Variants in NKAIN3 observed in about 807,000 individuals in gnomAD.
NKAIN3 encodes the protein sodium/potassium transporting ATPase interacting 3, also known as sodium/potassium-transporting ATPase subunit beta-1-interacting protein 3.
A neutral mutation model predicts 30.2 loss-of-function variants in NKAIN3; 25 were observed. The ratio of observed to expected loss-of-function variants is 0.83; its 90% CI spans 0.60 to 1.16. NKAIN3 has a LOEUF of 1.16. Ranked by LOEUF, NKAIN3 falls within the 50% of genes most tolerant of loss-of-function variation. NKAIN3 has a pLI of 0.00. For synonymous variants in NKAIN3, 91 were observed against 89.6 expected (o/e 1.02, Z -0.09); for missense variants, 225 against 254.1 (o/e 0.89, Z 0.78).
chr8:62,295,763 T>C lies in NKAIN3; in HGVS notation c.54+46636T>C, dbSNP rs527443737. Among the ~76,000 whole-genome samples, 27 of 152,336 alleles carry C rather than the reference T, an allele frequency of 1.8e-4. No individual in the cohort carries two copies. The South Asian group carries it at 5.4e-3, about 30-fold the overall frequency. On this transcript the variant is annotated intron_variant, in intron 1 of 6. Coordinates refer to ENST00000623646, the MANE Select transcript of NKAIN3 (RefSeq NM_001304533.3). ...AAAATTTCTCATAAGTGTTTTTTAA[T>C]GTTCATTTAATGTCAACATTTAATT...
chr8:62,907,473 T>C (rs1821813809), intron 4 of NKAIN3, among the ~76,000 whole-genome samples: 2 of 152,074 alleles, frequency 1.3e-5, no homozygotes, highest in African/African-American at 2.4e-5. Flanking sequence ...GCTGGAACAA[T>C]GGGGAAAATA....
intron 1 of NKAIN3, among the ~76,000 whole-genome samples, chr8:62,468,815 A>G (rs936855903): frequency 1.3e-5 from 2 of 152,156 alleles, no homozygotes; most frequent in Non-Finnish European, 1.5e-5. Context: ...AGTAACTGGC[A>G]TCATCAGAAT....
intron 1 of NKAIN3, among the ~76,000 whole-genome samples, chr8:62,416,639 T>C (rs1804452431): frequency 6.6e-6 from 1 of 152,204 alleles, no homozygotes; most frequent in African/African-American, 2.4e-5. Flanking sequence ...TCCCCTCAAG[T>C]ATTTATCCTT....
At chr8:62,658,697 T>C (rs1295547855) in intron 3 of NKAIN3, among the ~76,000 whole-genome samples, 2 of 152,202 alleles carry the variant, frequency 1.3e-5, no homozygotes, top group African/African-American at 4.8e-5. Context: ...TTCTAGCCTA[T>C]GCATTTGTTG....
At chr8:62,325,429 G>T (rs1815082425) in intron 1 of NKAIN3, among the ~76,000 whole-genome samples, 1 of 152,082 alleles carries the variant, frequency 6.6e-6, no homozygotes, top group Admixed American at 6.6e-5. Flanking sequence ...TGTGAATTGT[G>T]CTGCTATAAA....
Position 62,870,254 on chromosome 8 carries a change from A to ATCTAGATC in NKAIN3, c.472-48198_472-48197insCTAGATCT, listed in dbSNP as rs879552418. Among the ~76,000 whole-genome samples, 451 of 109,464 alleles carry ATCTAGATC rather than the reference A, an allele frequency of 4.1e-3. 17 individuals are homozygous for ATCTAGATC. Among genetic ancestry groups the ATCTAGATC allele is most frequent in the African/African-American group, 0.017 (411 of 23,558 alleles). 71.8% of individuals were successfully genotyped at this position (109,464 alleles called of 152,430 possible). ...TATATAGATATCTATAGATATCTATATATATATCTATATATAGATATATAT... is the reference window on the plus strand; with the variant it reads ...TATATAGATATCTATAGATATCTATATCTAGATCTATATATCTATATATAGATATATAT... On this transcript the variant is annotated intron_variant, in intron 4 of 6. Coordinates refer to ENST00000623646, the MANE Select transcript of NKAIN3 (RefSeq NM_001304533.3).
At chr8:62,936,773 A>G (rs1175422643) in intron 5 of NKAIN3, among the ~76,000 whole-genome samples, 5 of 152,094 alleles carry the variant, frequency 3.3e-5, no homozygotes, top group Admixed American at 2.0e-4. Context: ...CTAATGTCAT[A>G]TGTTTATTCT....
intron 4 of NKAIN3, among the ~76,000 whole-genome samples, chr8:62,860,963 G>T (rs941683243): frequency 3.9e-5 from 6 of 152,230 alleles, no homozygotes; most frequent in African/African-American, 1.4e-4. Flanking sequence ...GCCTTATGCT[G>T]AATGCTTACT....
rs114409908 is a variant in NKAIN3 at position 62,722,911 on chromosome 8, T to C, written c.274-24021T>C. Among the ~76,000 whole-genome samples, 418 of 152,278 alleles carry C rather than the reference T, an allele frequency of 2.7e-3. 2 individuals are homozygous for C. Among genetic ancestry groups the C allele is most frequent in the African/African-American group, 9.7e-3 (403 of 41,562 alleles). ...TTCCAGATCACAAGAGGCTGTCTCCTACAGCCATCCAAGATGGTTAGTCAA... is the reference window on the plus strand; with the variant it reads ...TTCCAGATCACAAGAGGCTGTCTCCCACAGCCATCCAAGATGGTTAGTCAA... On this transcript the variant is annotated intron_variant, in intron 3 of 6. Coordinates refer to ENST00000623646, the MANE Select transcript of NKAIN3 (RefSeq NM_001304533.3).
At chr8:62,835,453 G>A (rs1819328517) in intron 4 of NKAIN3, among the ~76,000 whole-genome samples, 1 of 151,564 alleles carries the variant, frequency 6.6e-6, no homozygotes, top group African/African-American at 2.4e-5. Flanking sequence ...AGAATCTATA[G>A]GGAACTTCTT....
At chr8:62,993,352 T>C (rs569326256) in intron 5 of NKAIN3, among the ~76,000 whole-genome samples, 1 of 152,324 alleles carries the variant, frequency 6.6e-6, no homozygotes, top group East Asian at 1.9e-4. Flanking sequence ...GTATTTGATG[T>C]ATTAGGATTT....
intron 1 of NKAIN3, among the ~76,000 whole-genome samples, chr8:62,513,168 C>T (rs1424048284): frequency 2.0e-5 from 3 of 151,922 alleles, no homozygotes; most frequent in African/African-American, 7.3e-5. Context: ...CATTTGCTTT[C>T]CTAGAAGACA....
chr8:62,990,499 T>C, intron 5 of NKAIN3: 1 of 470,060 alleles, frequency 2.1e-6, no homozygotes, highest in Non-Finnish European at 3.0e-6. Flanking sequence ...GCATCTTACC[T>C]GGAATTTCCA....
intron 4 of NKAIN3, among the ~76,000 whole-genome samples, chr8:62,870,240 CTA>C (rs1480426242): frequency 3.5e-5 from 4 of 114,384 alleles, no homozygotes; most frequent in African/African-American, 1.6e-4. Context: ...ATATAGATAT[CTA>C]TAGATATCTA....
At chr8:62,393,067 C>T (rs7462749) in intron 1 of NKAIN3, among the ~76,000 whole-genome samples, 84,610 of 151,746 alleles carry the variant, frequency 0.56, 26,265 homozygotes, top group East Asian at 0.68. Context: ...TAGTGGAAAA[C>T]GTAAATGAAA....
intron 4 of NKAIN3, among the ~76,000 whole-genome samples, chr8:62,901,984 A>C (rs1033657321): frequency 6.6e-6 from 1 of 152,176 alleles, no homozygotes; most frequent in African/African-American, 2.4e-5. Flanking sequence ...CTCAGTGAGA[A>C]GCAGACAGGC....
intron 1 of NKAIN3, among the ~76,000 whole-genome samples, chr8:62,430,007 A>G (rs1804943746): frequency 1.3e-5 from 2 of 151,774 alleles, no homozygotes; most frequent in Admixed American, 6.6e-5. Flanking sequence ...CATTCTCCCA[A>G]CCTTTATCCC....
chr8:62,348,711 C>T (rs895971269), intron 1 of NKAIN3, among the ~76,000 whole-genome samples: 5 of 152,176 alleles, frequency 3.3e-5, no homozygotes, highest in African/African-American at 1.2e-4. Context: ...CAAGAATGTC[C>T]TCACCTGAGA....
chr8:62,728,385 G>A (rs1281428096), intron 3 of NKAIN3, among the ~76,000 whole-genome samples: 5 of 152,274 alleles, frequency 3.3e-5, no homozygotes, highest in African/African-American at 9.6e-5. Context: ...CTCCATGGCC[G>A]GGTGCGGTGG....
Sources: allele counts gnomAD v4.1 joint callset (sites outside exome capture counted in the v4.1 genomes callset), GRCh38; gene constraint gnomAD v4.1.1; transcripts MANE v1.5; gene names NCBI Gene and HGNC (gene_info 2026-07-23, HGNC 2026-07-21).